Variants in ARID4A observed in about 807,000 individuals in gnomAD.
ARID4A encodes the protein AT-rich interactive domain-containing protein 4A.
A neutral mutation model predicts 148.6 loss-of-function variants in ARID4A; 39 were observed. That is an observed-to-expected ratio of 0.26 (90% confidence interval 0.20 to 0.34). ARID4A has a LOEUF of 0.34. ARID4A is among the 10% of genes least tolerant of loss of function. The pLI is 1.00. For synonymous variants in ARID4A, 475 were observed against 481.2 expected (o/e 0.99, Z 0.17); for missense variants, 1,265 against 1,449.1 (o/e 0.87, Z 2.06).
At chr14:58,320,733 G>A (rs765303023) in intron 7 of ARID4A, among the ~76,000 whole-genome samples, 2 of 151,334 alleles carry the variant, frequency 1.3e-5, no homozygotes, top group East Asian at 2.0e-4. Context: ...TCAGCCTCCC[G>A]AGTAGCTGGG....
chr14:58,369,356 C>T (rs1206088658), intron 23 of ARID4A, among the ~76,000 whole-genome samples: 2 of 151,950 alleles, frequency 1.3e-5, no homozygotes, highest in African/African-American at 2.4e-5. Context: ...CCTGGCACAG[C>T]GGCTCACGCC....
At chr14:58,329,951 G>A (rs368068458) in intron 10 of ARID4A, 52 bp from the exon 11 acceptor site, 1 of 1,558,760 alleles carries the variant, frequency 6.4e-7, no homozygotes, top group Non-Finnish European at 8.6e-7. Context: ...CTTTTCTATT[G>A]TTCTATGCTG....
intron 5 of ARID4A, among the ~76,000 whole-genome samples, chr14:58,311,331 A>G (rs1214767360): frequency 6.6e-6 from 1 of 152,216 alleles, no homozygotes; most frequent in Non-Finnish European, 1.5e-5. Flanking sequence ...CAGGTATGTA[A>G]AGAACTGTTC....
intron 2 of ARID4A, among the ~76,000 whole-genome samples, chr14:58,301,112 C>T (rs1047575303): frequency 6.6e-6 from 1 of 152,096 alleles, no homozygotes. Flanking sequence ...TGATACTTTC[C>T]TTATGAAAAG....
intron 8 of ARID4A, among the ~76,000 whole-genome samples, chr14:58,325,904 T>C (rs1050223860): frequency 1.6e-4 from 24 of 152,142 alleles, no homozygotes; most frequent in Admixed American, 1.1e-3. Flanking sequence ...ATTTATCATT[T>C]ACCAGGGGAT....
intron 3 of ARID4A, among the ~76,000 whole-genome samples, chr14:58,304,393 T>C (rs1473400468): frequency 6.6e-6 from 1 of 152,204 alleles, no homozygotes; most frequent in Admixed American, 6.5e-5. Context: ...ATTTGGACCA[T>C]CTATTATTTG....
intron 8 of ARID4A, among the ~76,000 whole-genome samples, chr14:58,324,328 T>C (rs1040360826): frequency 6.6e-6 from 1 of 152,232 alleles, no homozygotes; most frequent in Admixed American, 6.5e-5. Context: ...CAGGCTGGAG[T>C]GCAGTGACGT....
chr14:58,359,728 T>G (rs1421850420), intron 18 of ARID4A, among the ~76,000 whole-genome samples: 7 of 152,226 alleles, frequency 4.6e-5, no homozygotes, highest in African/African-American at 1.4e-4. Context: ...TTTTGCTTAG[T>G]AATATGCATA....
At chr14:58,345,785 C>T (rs773639023) in intron 12 of ARID4A, among the ~76,000 whole-genome samples, 1 of 122,820 alleles carries the variant, frequency 8.1e-6, no homozygotes, top group Non-Finnish European at 1.6e-5. Context: ...AGCTGGAGTG[C>T]GGTGGCGTGA....
At chr14:58,360,254 G>C (rs550012784) in intron 18 of ARID4A, among the ~76,000 whole-genome samples, 1 of 152,092 alleles carries the variant, frequency 6.6e-6, no homozygotes, top group Non-Finnish European at 1.5e-5. Flanking sequence ...AGGACGAACC[G>C]TGACAAACGA....
chr14:58,341,529 G>A (rs138309935), intron 11 of ARID4A, among the ~76,000 whole-genome samples: 78 of 152,224 alleles, frequency 5.1e-4, no homozygotes, highest in African/African-American at 1.9e-3. Context: ...TTACCACATC[G>A]TGTTATATTG....
At chr14:58,308,216 G>A (rs998219802) in intron 5 of ARID4A, among the ~76,000 whole-genome samples, 1 of 152,194 alleles carries the variant, frequency 6.6e-6, no homozygotes, top group Admixed American at 6.5e-5. Flanking sequence ...AGAAGAAATT[G>A]TATAATTCTT....
At chr14:58,304,733 A>G (rs1038575639) in intron 3 of ARID4A, among the ~76,000 whole-genome samples, 2 of 152,164 alleles carry the variant, frequency 1.3e-5, no homozygotes, top group Non-Finnish European at 2.9e-5. Context: ...ATGCATTGAC[A>G]CTTGCTAACT....
chr14:58,365,488 T>TAAAAA, intron 20 of ARID4A, 30 bp from the exon 21 acceptor site: 14 of 1,135,220 alleles, frequency 1.2e-5, no homozygotes, highest in Non-Finnish European at 1.5e-5. Flanking sequence ...TTTTTTTTTT[T>TAAAAA]TCAACATTCT....
rs184574384 is a variant in ARID4A, at chr14:58,353,559, A to G, written c.1656-99A>G. 98 of 1,009,308 alleles carry G rather than the reference A, an allele frequency of 9.7e-5. No individual in the cohort carries two copies. In the African/African-American group the frequency reaches 1.4e-3, roughly 15 times the overall value. The allele number at this position is 1,009,308 out of a possible 1,614,324, so 62.5% of individuals were successfully genotyped here. On this transcript the variant is annotated intron_variant, in intron 16 of 23. Transcript: ENST00000355431. Reference sequence around the variant, plus strand: ...CCTCCACTGATATGTTATTAAGGTAATACTTAGGTTGTGAATAATCTACCT... The same window carrying G: ...CCTCCACTGATATGTTATTAAGGTAGTACTTAGGTTGTGAATAATCTACCT...
intron 7 of ARID4A, among the ~76,000 whole-genome samples, chr14:58,319,797 C>T (rs1473807509): frequency 1.3e-5 from 2 of 151,346 alleles, no homozygotes; most frequent in Non-Finnish European, 2.9e-5. Flanking sequence ...CCCGCCTTGG[C>T]CTCTCAAAGT....
At chr14:58,344,082 A>C (rs922351173) in intron 11 of ARID4A, among the ~76,000 whole-genome samples, 5 of 152,148 alleles carry the variant, frequency 3.3e-5, no homozygotes, top group African/African-American at 1.2e-4. Flanking sequence ...GCCATACTAG[A>C]AAGGCAAAAG....
intron 11 of ARID4A, among the ~76,000 whole-genome samples, chr14:58,332,481 T>G (rs2033586282): frequency 6.6e-6 from 1 of 152,192 alleles, no homozygotes; most frequent in Non-Finnish European, 1.5e-5. Flanking sequence ...GAGTGAAATT[T>G]TGTTGCTTTA....
In ARID4A at chr14:58,301,628, A is replaced by T; in HGVS notation, c.55A>T (p.Lys19Ter). 6.2e-7 allele frequency: 1 copy of T among 1,614,104 alleles called. No homozygotes were observed. The highest frequency in any genetic ancestry group is 8.5e-7 in the Non-Finnish European group (1 of 1,179,992). The change falls in exon 3 of 24, where the codon AAG becomes TAG. Residue 19 changes from lysine (K) to a stop codon, truncating the protein, a stop_gained. Transcript: ENST00000355431. LOFTEE classifies it high-confidence loss of function. ...GACAGTGGGAACCGATGTCAGTGCC[A>T]AGTACCGAGGTGCCTTCTGTGAGGC... ...YLTVGTDVSA[K>*]YRGAFCEAKI...
Sources: gnomAD v4.1 joint callset for allele counts (sites outside exome capture counted in the v4.1 genomes callset) on GRCh38, gnomAD v4.1.1 for gene constraint, MANE v1.5 for transcripts, NCBI Gene and HGNC (gene_info 2026-07-23, HGNC 2026-07-21) for gene names.